ROCK2: variants seen among roughly 807,000 people sequenced by gnomAD.
ROCK2 encodes the protein Rho associated coiled-coil containing protein kinase 2.
A neutral mutation model predicts 195.1 loss-of-function variants in ROCK2; 61 were observed. The ratio of observed to expected loss-of-function variants is 0.31; its 90% confidence interval spans 0.25 to 0.39. The LOEUF is 0.39. Among genes scored for constraint, ROCK2 ranks in the 10% least tolerant of loss-of-function variants. The pLI, the probability that ROCK2 is intolerant of heterozygous loss-of-function variation, is 1.00. For synonymous variants in ROCK2, 504 were observed against 545.5 expected, an observed-to-expected ratio of 0.92 and a Z score of 1.06; for missense variants, 1,109 against 1,637.4, an observed-to-expected ratio of 0.68 and a Z score of 5.57.
chr2:11,294,447 T>C (rs985693846), intron 1 of ROCK2, among the ~76,000 whole-genome samples: 1 of 152,154 alleles, frequency 6.6e-6, no homozygotes, highest in East Asian at 1.9e-4. Flanking sequence ...GTTAATTATA[T>C]GGTGGAATTA....
intron 3 of ROCK2, among the ~76,000 whole-genome samples, chr2:11,253,481 A>T (rs1046691250): frequency 6.6e-6 from 1 of 152,252 alleles, no homozygotes; most frequent in African/African-American, 2.4e-5. Context: ...CCCTAACTGA[A>T]CTAAGAACTC....
At position 11,198,565 on chromosome 2, in the gene ROCK2, C is replaced by T; in HGVS notation, c.3025G>A (p.Glu1009Lys). ...TTAATAGCTGCTGCGCTTATTTCTT[C>T]ATCTTTCAATCTTGACAGTTCTGAA... ...VQEQLSRLKD[E>K]EISAAAIKAQ... The change falls in exon 25 of 33, where the codon GAA (glutamate) becomes AAA (lysine). Residue 1009 changes from glutamate to lysine, a missense_variant. By Grantham distance (56) the Glu-to-Lys change is moderately conservative. Around this residue, in one of 6 missense-constraint regions of ROCK2, gnomAD observed 542 missense variants for 672.0 expected, o/e 0.81. Coordinates refer to ENST00000315872, the MANE Select transcript of ROCK2 (RefSeq NM_004850.5). 6.2e-7 allele frequency: 1 copy of T among 1,613,288 alleles called. No individual in the cohort carries two copies. Among genetic ancestry groups the T allele is most frequent in the Non-Finnish European group, 8.5e-7 (1 of 1,179,700 alleles).
At chr2:11,203,150 C>T (rs1029494269) in intron 20 of ROCK2, among the ~76,000 whole-genome samples, 10 of 152,088 alleles carry the variant, frequency 6.6e-5, no homozygotes, top group African/African-American at 2.4e-4. Context: ...TAAAAGCAAG[C>T]CCAACAACCC....
chr2:11,244,921 C>T (rs1055514564), intron 4 of ROCK2, among the ~76,000 whole-genome samples: 8 of 151,462 alleles, frequency 5.3e-5, no homozygotes, highest in African/African-American at 1.5e-4. Context: ...GTAGTCTTAC[C>T]GTAATAAGAA....
At chr2:11,253,325 C>T (rs1030584717) in intron 3 of ROCK2, among the ~76,000 whole-genome samples, 2 of 152,106 alleles carry the variant, frequency 1.3e-5, no homozygotes, top group East Asian at 1.9e-4. Context: ...TCTAATATAA[C>T]GAAACTTTCC....
At chr2:11,265,914 G>C (rs1666395689) in intron 3 of ROCK2, among the ~76,000 whole-genome samples, 1 of 125,466 alleles carries the variant, frequency 8.0e-6, no homozygotes, top group Non-Finnish European at 1.6e-5. Flanking sequence ...GGGCAACACT[G>C]GGGGACCTTG....
intron 18 of ROCK2, among the ~76,000 whole-genome samples, chr2:11,210,491 C>T (rs180780927): frequency 1.5e-3 from 230 of 151,994 alleles, no homozygotes; most frequent in Non-Finnish European, 2.8e-3. Context: ...TAGGCGCACG[C>T]GACTACATCC....
intron 3 of ROCK2, among the ~76,000 whole-genome samples, chr2:11,284,538 G>A (rs1011990655): frequency 6.6e-6 from 1 of 152,076 alleles, no homozygotes; most frequent in Admixed American, 6.5e-5. Context: ...CGATTTTACT[G>A]TGAACCTAAA....
intron 3 of ROCK2, among the ~76,000 whole-genome samples, chr2:11,281,103 T>C (rs1380998655): frequency 6.7e-6 from 1 of 148,224 alleles, no homozygotes; most frequent in East Asian, 2.0e-4. Flanking sequence ...CATTTCAAAA[T>C]CAATTATTGT....
At chr2:11,344,905 C>G (rs1468117751), upstream of ROCK2, among the ~76,000 whole-genome samples, 5 of 149,268 alleles carry the variant, frequency 3.3e-5, no homozygotes, top group African/African-American at 1.2e-4. The surrounding 1 kb of genome is among the most constrained non-coding windows in gnomAD (Gnocchi z 5.4). Context: ...GAGACGCACC[C>G]AGGCCGGGTC....
At position 11,237,756 on chromosome 2, in the gene ROCK2, AAAT is replaced by A. The variant is rs1665262184; in HGVS notation, c.463-1797_463-1795del. Among the ~76,000 whole-genome samples, 4 of 152,344 alleles carry A rather than the reference AAAT, an allele frequency of 2.6e-5. No homozygotes were observed. The South Asian group carries it at 6.2e-4, about 24-fold the overall frequency. ...TATAATTGACAGACCATTTTCAAAAAAATTATTCAAGAATATAGTTTGACAAAA... is the reference window on the plus strand; with the variant it reads ...TATAATTGACAGACCATTTTCAAAAATATTCAAGAATATAGTTTGACAAAA... On this transcript the variant is annotated intron_variant, in intron 4 of 32. Transcript: ENST00000315872.
At chr2:11,224,262 T>C in intron 7 of ROCK2, 60 bp downstream of exon 7, 1 of 1,460,884 alleles carries the variant, frequency 6.8e-7, no homozygotes, top group Non-Finnish European at 9.3e-7. Flanking sequence ...CTAGGCATGC[T>C]TTTATTTCTA....
Position 11,286,323 on chromosome 2 carries a change from T to A in ROCK2, c.324+216A>T, listed in dbSNP as rs994731012. Among the ~76,000 whole-genome samples, 2 of 150,686 alleles carry A rather than the reference T, an allele frequency of 1.3e-5. 1 individual carries two copies. The highest frequency in any genetic ancestry group is 4.9e-5 in the African/African-American group (2 of 41,132). ...CTGCTAGGCAGATCACATGTGAAGC[T>A]ATATTGGCCTTATTTTCTACAATGT... On this transcript the variant is annotated intron_variant, in intron 3 of 32. Coordinates refer to ENST00000315872, the MANE Select transcript of ROCK2 (RefSeq NM_004850.5).
intron 5 of ROCK2, among the ~76,000 whole-genome samples, chr2:11,230,799 C>T (rs1664980685): frequency 6.6e-6 from 1 of 151,848 alleles, no homozygotes. Flanking sequence ...CAAAACTGGT[C>T]AATCAGAAAT....
chr2:11,323,087 T>A (rs1333640590), intron 1 of ROCK2, among the ~76,000 whole-genome samples: 1 of 152,224 alleles, frequency 6.6e-6, no homozygotes, highest in Admixed American at 6.5e-5. Flanking sequence ...CTGAAGTTTG[T>A]AATCCTTTTA....
chr2:11,316,313 T>G (rs1428744800), intron 1 of ROCK2, among the ~76,000 whole-genome samples: 1 of 152,206 alleles, frequency 6.6e-6, no homozygotes, highest in Non-Finnish European at 1.5e-5. Flanking sequence ...GTAACATTAC[T>G]AATTTTAAAT....
At chr2:11,242,521 C>A (rs1665462992) in intron 4 of ROCK2, among the ~76,000 whole-genome samples, 1 of 152,074 alleles carries the variant, frequency 6.6e-6, no homozygotes, top group Non-Finnish European at 1.5e-5. Context: ...CAGATGATGG[C>A]TGGAATTTGA....
At chr2:11,314,324 T>C (rs1668127094) in intron 1 of ROCK2, among the ~76,000 whole-genome samples, 1 of 151,860 alleles carries the variant, frequency 6.6e-6, no homozygotes, top group African/African-American at 2.4e-5. Flanking sequence ...CCTTTGTCTG[T>C]ATGTTCTTTA....
chr2:11,317,591 TA>T (rs1668244782), intron 1 of ROCK2, among the ~76,000 whole-genome samples: 2 of 13,940 alleles, frequency 1.4e-4, no homozygotes, highest in African/African-American at 4.6e-4. Context: ...TATATATATA[TA>T]TATATATATA....
Sources: gnomAD v4.1 joint callset for allele counts (sites outside exome capture counted in the v4.1 genomes callset) on GRCh38, gnomAD v4.1.1 for gene constraint, gnomAD v4.1.1 regional missense constraint, Gnocchi (gnomAD v3.1) non-coding constraint, MANE v1.5 for transcripts, NCBI Gene and HGNC (gene_info 2026-07-23, HGNC 2026-07-21) for gene names.